The following XRCC4 variants were observed in gnomAD, a reference collection of about 807,000 sequenced individuals.
XRCC4 encodes the protein X-ray repair cross complementing 4.
XRCC4 carries 28 observed loss-of-function variants against 39.1 expected under a neutral mutation model. The ratio of observed to expected loss-of-function variants is 0.72; its 90% CI spans 0.53 to 0.98. XRCC4 has a LOEUF of 0.98. XRCC4 is among the 50% of genes least tolerant of loss of function. The pLI is 0.00. For missense variants in XRCC4, 350 were observed against 376.4 expected (o/e 0.93, Z 0.58); for synonymous variants, 123 against 126.4 (o/e 0.97, Z 0.18).
chr5:83,270,776 CATAT>C (rs545805498), intron 7 of XRCC4, among the ~76,000 whole-genome samples: 5 of 121,600 alleles, frequency 4.1e-5, no homozygotes, highest in Admixed American at 1.0e-4. Flanking sequence ...AAAATATATA[CATAT>C]ATATATGTAT....
At chr5:83,119,998 C>CA (rs367806953) in intron 3 of XRCC4, among the ~76,000 whole-genome samples, 3,333 of 62,086 alleles carry the variant, frequency 0.054, 108 homozygotes, top group African/African-American at 0.13. Context: ...CCTTGTCTCA[C>CA]AAAAAAAAAA....
chr5:83,231,471 T>C lies in XRCC4; in HGVS notation c.745+26550T>C, dbSNP rs1276623963. On this transcript the variant is annotated intron_variant, in intron 6 of 7. Coordinates refer to ENST00000396027, the MANE Select transcript of XRCC4 (RefSeq NM_003401.5). ...CAAGTGGTGAATGAATGCTTTGCAG[T>C]ACAACTGAATAATTGAGACAAATAC... 4.6e-5 allele frequency among the ~76,000 whole-genome samples: 7 copies of C among 152,232 alleles called. No homozygotes were observed. In the East Asian group the frequency reaches 1.3e-3, roughly 29 times the overall value.
At chr5:83,264,573 C>T (rs1753888319) in intron 7 of XRCC4, among the ~76,000 whole-genome samples, 1 of 151,834 alleles carries the variant, frequency 6.6e-6, no homozygotes, top group Admixed American at 6.6e-5. Context: ...TCAGAAAACC[C>T]ACAGAAACAA....
intron 7 of XRCC4, among the ~76,000 whole-genome samples, chr5:83,302,380 T>C (rs1755320043): frequency 6.6e-6 from 1 of 152,044 alleles, no homozygotes; most frequent in Non-Finnish European, 1.5e-5. Context: ...GCGAAGAACA[T>C]GGGAAAAGTG....
intron 4 of XRCC4, among the ~76,000 whole-genome samples, chr5:83,196,399 A>G (rs1580356857): frequency 6.6e-6 from 1 of 152,126 alleles, no homozygotes; most frequent in East Asian, 1.9e-4. Flanking sequence ...TTGAAAATTC[A>G]TACTATACCA....
chr5:83,151,840 A>G (rs73150005), intron 3 of XRCC4, among the ~76,000 whole-genome samples: 99 of 152,338 alleles, frequency 6.5e-4, no homozygotes, highest in African/African-American at 2.4e-3. Flanking sequence ...TTTGATGTGG[A>G]AGAAGGTTTA....
chr5:83,209,047 TC>T (rs1337667988), intron 6 of XRCC4, among the ~76,000 whole-genome samples: 5 of 151,634 alleles, frequency 3.3e-5, no homozygotes. Context: ...CTTAAAGATT[TC>T]CTGCTTAGTC....
chr5:83,247,819 G>A (rs1232514025), intron 6 of XRCC4, among the ~76,000 whole-genome samples: 1 of 152,084 alleles, frequency 6.6e-6, no homozygotes, highest in East Asian at 1.9e-4. Flanking sequence ...AACTTTCAAA[G>A]GTAGTTTTGA....
At chr5:83,090,695 C>T (rs1325392229) in intron 1 of XRCC4, among the ~76,000 whole-genome samples, 1 of 152,092 alleles carries the variant, frequency 6.6e-6, no homozygotes, top group Non-Finnish European at 1.5e-5. Flanking sequence ...AGAGGCCCCA[C>T]TGTAAGTCAC....
intron 3 of XRCC4, among the ~76,000 whole-genome samples, chr5:83,162,152 G>A (rs985193181): frequency 1.3e-5 from 2 of 152,114 alleles, no homozygotes; most frequent in Admixed American, 1.3e-4. Flanking sequence ...GGGCGACAGA[G>A]CGAGACAACG....
At chr5:83,137,626 T>C (rs1481555986) in intron 3 of XRCC4, among the ~76,000 whole-genome samples, 3 of 152,310 alleles carry the variant, frequency 2.0e-5, no homozygotes, top group African/African-American at 7.2e-5. Flanking sequence ...GCACTGCACC[T>C]TTCAAGGTGT....
chr5:83,153,157 A>C (rs1748795512), intron 3 of XRCC4, among the ~76,000 whole-genome samples: 1 of 151,940 alleles, frequency 6.6e-6, no homozygotes, highest in African/African-American at 2.4e-5. Context: ...TTTTTCACTC[A>C]GCATAATTCC....
intron 6 of XRCC4, among the ~76,000 whole-genome samples, chr5:83,223,714 G>A (rs1580390635): frequency 6.6e-6 from 1 of 151,496 alleles, no homozygotes; most frequent in East Asian, 1.9e-4. Context: ...TAAGTTCTAG[G>A]GTACATGTGT....
rs372310890 is a variant in XRCC4 at position 83,179,238 on chromosome 5, G to A, written c.316-16532G>A. Among the ~76,000 whole-genome samples, 22 of 152,110 alleles carry A rather than the reference G, an allele frequency of 1.4e-4. No individual in the cohort carries two copies. In the East Asian group the frequency reaches 1.7e-3, roughly 12 times the overall value. ...CCTAACATATTCTTAGGTATGTATCGAACAAAGATGTGAAAAATGAGTGGG... is the reference window on the plus strand; with the variant it reads ...CCTAACATATTCTTAGGTATGTATCAAACAAAGATGTGAAAAATGAGTGGG... On this transcript the variant is annotated intron_variant, in intron 3 of 7. Coordinates refer to ENST00000396027, the MANE Select transcript of XRCC4 (RefSeq NM_003401.5).
intron 7 of XRCC4, among the ~76,000 whole-genome samples, chr5:83,352,108 T>G (rs2112237033): frequency 6.6e-6 from 1 of 152,276 alleles, no homozygotes; most frequent in East Asian, 1.9e-4. Context: ...CCCACTTAGT[T>G]TAAATGACTT....
chr5:83,347,517 T>C (rs543074276), intron 7 of XRCC4, among the ~76,000 whole-genome samples: 1 of 152,084 alleles, frequency 6.6e-6, no homozygotes, highest in African/African-American at 2.4e-5. Context: ...TTTTAAACAA[T>C]GAGATCTCAT....
chr5:83,191,240 G>A lies in XRCC4; in HGVS notation c.316-4530G>A, dbSNP rs183816183. 5.2e-3 allele frequency among the ~76,000 whole-genome samples: 799 copies of A among 152,290 alleles called. 10 individuals carry two copies. The highest frequency in any genetic ancestry group is 5.9e-3 in the Non-Finnish European group (398 of 68,020). Reference sequence around the variant, plus strand: ...TATTAAGACTAGAGAGGCCAATGTAGGCTGATATGGTTTGGCTGTGTCTCC... The same window carrying A: ...TATTAAGACTAGAGAGGCCAATGTAAGCTGATATGGTTTGGCTGTGTCTCC... On this transcript the variant is annotated intron_variant, in intron 3 of 7. Coordinates refer to ENST00000396027, the MANE Select transcript of XRCC4 (RefSeq NM_003401.5).
intron 7 of XRCC4, among the ~76,000 whole-genome samples, chr5:83,344,130 TCA>T (rs61032306): frequency 0.05 from 7,438 of 148,032 alleles, 231 homozygotes; most frequent in South Asian, 0.12. Flanking sequence ...GACACAGATC[TCA>T]CACACACACA....
At chr5:83,299,347 C>T (rs1755198306) in intron 7 of XRCC4, among the ~76,000 whole-genome samples, 1 of 152,010 alleles carries the variant, frequency 6.6e-6, no homozygotes, top group South Asian at 2.1e-4. Context: ...CTTTGGTGTT[C>T]TGAAGCTTCG....
Sources: gnomAD v4.1 joint callset for allele counts (sites outside exome capture counted in the v4.1 genomes callset) on GRCh38, gnomAD v4.1.1 for gene constraint, MANE v1.5 for transcripts, NCBI Gene and HGNC (gene_info 2026-07-23, HGNC 2026-07-21) for gene names.